Variants in CELF5 observed in about 807,000 individuals in gnomAD.
CELF5 encodes the protein CUG-BP and ETR-3 like factor 5.
A neutral mutation model predicts 54.9 loss-of-function variants in CELF5; 6 were observed. The ratio of observed to expected loss-of-function variants is 0.11; its 90% CI spans 0.06 to 0.22. The LOEUF is 0.22. Among genes scored for constraint, CELF5 ranks in the 10% least tolerant of loss-of-function variants. CELF5 has a pLI of 1.00. For missense variants in CELF5, 401 were observed against 678.6 expected, an observed-to-expected ratio of 0.59 and a Z score of 4.54; for synonymous variants, 271 against 290.9, an observed-to-expected ratio of 0.93 and a Z score of 0.70.
At chr19:3,266,249 G>C (rs900965702) in intron 2 of CELF5, among the ~76,000 whole-genome samples, 9 of 152,094 alleles carry the variant, frequency 5.9e-5, no homozygotes, top group African/African-American at 2.2e-4. Context: ...AAACGGACAT[G>C]GCACCCCGGT....
intron 1 of CELF5, among the ~76,000 whole-genome samples, chr19:3,241,618 G>C (rs966093239): frequency 6.6e-6 from 1 of 152,040 alleles, no homozygotes; most frequent in African/African-American, 2.4e-5. Context: ...ACCTGGCGTG[G>C]GTGGGGGATA....
chr19:3,252,992 G>A (rs2079671706), intron 2 of CELF5, among the ~76,000 whole-genome samples: 1 of 151,988 alleles, frequency 6.6e-6, no homozygotes, highest in Non-Finnish European at 1.5e-5. Context: ...AGAAGGAACA[G>A]CATGTGCAAA....
chr19:3,240,994 T>TGTACCCTTG (rs1392066360), intron 1 of CELF5, among the ~76,000 whole-genome samples: 21 of 152,186 alleles, frequency 1.4e-4, no homozygotes, highest in African/African-American at 5.1e-4. Context: ...TGATCCCCAA[T>TGTACCCTTG]GTACCCTTGG....
chr19:3,246,772 T>C (rs1053012777), intron 1 of CELF5, among the ~76,000 whole-genome samples: 1 of 152,122 alleles, frequency 6.6e-6, no homozygotes, highest in African/African-American at 2.4e-5. Context: ...TTGCCCCAAA[T>C]AGCAAACATC....
chr19:3,263,675 C>T lies in CELF5; in HGVS notation c.343-10197C>T, dbSNP rs368889733. On this transcript the variant is annotated intron_variant, in intron 2 of 12. Coordinates refer to ENST00000292672, the MANE Select transcript of CELF5 (RefSeq NM_021938.4). Reference sequence around the variant, plus strand: ...ATCCCCGCACTTTGGGAGGCTGAGGCGGGTGGATCACCTGAGGTCAGGAGT... The same window carrying T: ...ATCCCCGCACTTTGGGAGGCTGAGGTGGGTGGATCACCTGAGGTCAGGAGT... Among the ~76,000 whole-genome samples, 200 of 152,136 alleles carry T rather than the reference C, an allele frequency of 1.3e-3. 7 individuals carry two copies. The South Asian group carries it at 0.038, about 29-fold the overall frequency.
At chr19:3,250,621 C>T (rs940438381) in intron 1 of CELF5, among the ~76,000 whole-genome samples, 1 of 152,158 alleles carries the variant, frequency 6.6e-6, no homozygotes, top group Non-Finnish European at 1.5e-5. Flanking sequence ...CCCCATGATA[C>T]ACTCAGTCCT....
At chr19:3,239,205 T>C (rs572828658) in intron 1 of CELF5, among the ~76,000 whole-genome samples, 1 of 151,952 alleles carries the variant, frequency 6.6e-6, no homozygotes, top group African/African-American at 2.4e-5. Context: ...GCTCAAGGGA[T>C]CCTCCCGCCT....
Position 3,275,758 on chromosome 19 carries a change from C to T in CELF5, c.395-98C>T. 1.5e-6 allele frequency: 2 copies of T among 1,359,792 alleles called. No homozygotes were observed. Among genetic ancestry groups the T allele is most frequent in the Non-Finnish European group, 2.0e-6 (2 of 1,019,580 alleles). The allele number at this position is 1,359,792 out of a possible 1,614,324, so 84.2% of individuals were successfully genotyped here. A position where few individuals can be genotyped will look rare whatever the true frequency, so the allele number is the denominator to read the frequency against. On this transcript the variant is annotated intron_variant, in intron 3 of 12. Transcript: ENST00000292672. The surrounding 1 kb of genome is among the most constrained non-coding windows in gnomAD (Gnocchi z 6.7). ...CGGCAGGGCCCGGGCGCCGCGTCTT[C>T]CTGCCCTGCCGCCTCCACTCTGCTG...
intron 2 of CELF5, among the ~76,000 whole-genome samples, chr19:3,252,346 T>A (rs1030560252): frequency 2.0e-5 from 3 of 152,200 alleles, no homozygotes; most frequent in African/African-American, 7.2e-5. Context: ...GATGAGTCTC[T>A]CCTGGTCAGC....
At chr19:3,248,932 T>TTTC (rs1225479570) in intron 1 of CELF5, among the ~76,000 whole-genome samples, 6 of 148,512 alleles carry the variant, frequency 4.0e-5, no homozygotes, top group East Asian at 2.0e-4. Context: ...CTTTCTTTTC[T>TTTC]TTTCTTTTCT....
At chr19:3,270,747 AG>A (rs1364579855) in intron 2 of CELF5, 2 of 151,762 alleles carry the variant, frequency 1.3e-5, no homozygotes, top group Admixed American at 6.5e-5. Flanking sequence ...CCTGGAGAGG[AG>A]GGGGCTACCC....
intron 1 of CELF5, among the ~76,000 whole-genome samples, chr19:3,241,156 G>T (rs1156936539): frequency 1.3e-5 from 2 of 151,104 alleles, no homozygotes; most frequent in Non-Finnish European, 2.9e-5. Flanking sequence ...CCAACTCCCT[G>T]GTTCAAGCAG....
At chr19:3,285,037 C>T (rs1330323610) in intron 9 of CELF5, 73 bp downstream of exon 9, 2 of 1,217,028 alleles carry the variant, frequency 1.6e-6, no homozygotes, top group Admixed American at 4.3e-5. Context: ...CCAGGGCCCG[C>T]CCCGGACGTG....
chr19:3,244,601 A>G (rs1171607527), intron 1 of CELF5, among the ~76,000 whole-genome samples: 2 of 135,612 alleles, frequency 1.5e-5, no homozygotes, highest in African/African-American at 2.9e-5. Flanking sequence ...TGTGTGGTGC[A>G]CATGTGTCTT....
intron 2 of CELF5, among the ~76,000 whole-genome samples, chr19:3,267,102 TGTGTGC>T (rs1047494574): frequency 3.2e-5 from 4 of 125,364 alleles, no homozygotes; most frequent in Admixed American, 1.9e-4. Context: ...TGTGTGTGTG[TGTGTGC>T]GTGTGCGTGT....
At chr19:3,235,505 G>C in intron 1 of CELF5, among the ~76,000 whole-genome samples, 1 of 2,020 alleles carries the variant, frequency 5.0e-4, no homozygotes, top group African/African-American at 1.6e-3. Context: ...TGGGTGGGTG[G>C]GTGGATGGAT....
At chr19:3,272,202 C>T (rs1199484830) in intron 2 of CELF5, among the ~76,000 whole-genome samples, 1 of 151,804 alleles carries the variant, frequency 6.6e-6, no homozygotes, top group African/African-American at 2.4e-5. Flanking sequence ...CCCATCTCTA[C>T]TAAAAATACA....
chr19:3,229,512 G>A (rs975718850), intron 1 of CELF5, among the ~76,000 whole-genome samples: 3 of 152,180 alleles, frequency 2.0e-5, no homozygotes, highest in Non-Finnish European at 2.9e-5. Flanking sequence ...CCTGGAGGAG[G>A]CAGTTAGTGT....
intron 2 of CELF5, among the ~76,000 whole-genome samples, chr19:3,255,467 A>G (rs2079711783): frequency 6.6e-6 from 1 of 152,144 alleles, no homozygotes; most frequent in Non-Finnish European, 1.5e-5. Context: ...TACAGGCGTA[A>G]GCCATTGAGC....
Sources: gnomAD v4.1 joint callset for allele counts (sites outside exome capture counted in the v4.1 genomes callset) on GRCh38, gnomAD v4.1.1 for gene constraint, Gnocchi (gnomAD v3.1) non-coding constraint, MANE v1.5 for transcripts, NCBI Gene and HGNC (gene_info 2026-07-23, HGNC 2026-07-21) for gene names.